Variants in SLC25A21 observed in about 807,000 individuals in gnomAD.
SLC25A21 encodes the protein solute carrier family 25 member 21, also known as mitochondrial 2-oxodicarboxylate carrier.
Under a neutral mutation model 43.8 loss-of-function variants are expected in SLC25A21, and 47 were observed. That is an observed-to-expected ratio of 1.07 (90% CI 0.85 to 1.37). The LOEUF is 1.37. Among genes scored for constraint, SLC25A21 ranks in the 40% most tolerant of loss-of-function variants. The probability of loss-of-function intolerance (pLI) is 0.00; values close to 1 mark genes in which losing one functional copy is unlikely to be tolerated. For synonymous variants in SLC25A21, 131 were observed against 121.3 expected (o/e 1.08, Z -0.52); for missense variants, 352 against 350.2 (o/e 1.00, Z -0.04).
Position 36,704,995 on chromosome 14 carries a change from G to T in SLC25A21, c.603+6323C>A, listed in dbSNP as rs537167807. Among the ~76,000 whole-genome samples, 5 of 152,250 alleles carry T rather than the reference G, an allele frequency of 3.3e-5. No homozygotes were observed. In the South Asian group the frequency reaches 1.0e-3, roughly 32 times the overall value. ...TATATGTACCATAGATCACTAATCT[G>T]AAGTTAAAACGTCAAGAACTTCAAG... On this transcript the variant is annotated intron_variant, in intron 7 of 9. Coordinates refer to ENST00000331299, the MANE Select transcript of SLC25A21 (RefSeq NM_030631.4).
chr14:37,167,489 G>T (rs1964049196), intron 1 of SLC25A21, among the ~76,000 whole-genome samples: 1 of 150,272 alleles, frequency 6.7e-6, no homozygotes, highest in Admixed American at 6.6e-5. Flanking sequence ...ACTAACTTTG[G>T]GAGGAACTTC....
At chr14:36,884,223 G>A (rs534466808) in intron 1 of SLC25A21, among the ~76,000 whole-genome samples, 3 of 152,186 alleles carry the variant, frequency 2.0e-5, no homozygotes, top group Admixed American at 2.0e-4. Context: ...GCATGTAAGT[G>A]CGATCATGCA....
chr14:36,749,979 C>G (rs1449926684), intron 3 of SLC25A21, among the ~76,000 whole-genome samples: 1 of 152,202 alleles, frequency 6.6e-6, no homozygotes, highest in South Asian at 2.1e-4. Flanking sequence ...AAGATGTCAG[C>G]TCCATGAGGG....
At chr14:36,845,834 C>T (rs187177634) in intron 2 of SLC25A21, among the ~76,000 whole-genome samples, 10 of 152,294 alleles carry the variant, frequency 6.6e-5, no homozygotes, top group African/African-American at 1.9e-4. Flanking sequence ...ATCTTGTGAT[C>T]GCACACTGGC....
rs939493835 is a variant in SLC25A21, at chr14:36,679,363, C to T, written c.*1295G>A. 9.2e-6 allele frequency: 9 copies of T among 973,494 alleles called. No homozygotes were observed. In the East Asian group the frequency reaches 5.7e-4, roughly 62 times the overall value. 60.3% of individuals were successfully genotyped at this position (973,494 alleles called of 1,614,324 possible). On this transcript the variant is annotated 3_prime_UTR_variant, in exon 10 of 10. Transcript: ENST00000331299. ...CTAAATTAATAAAAAGTAATAATTA[C>T]CATGTTATCTTTTACTTTTTATTTT...
At chr14:36,912,207 A>G (rs75870942) in intron 1 of SLC25A21, among the ~76,000 whole-genome samples, 5,252 of 152,312 alleles carry the variant, frequency 0.034, 146 homozygotes, top group African/African-American at 0.073. Flanking sequence ...TCACTCATTT[A>G]TTCAATCATT....
chr14:36,803,516 T>C (rs1887937515), intron 3 of SLC25A21, among the ~76,000 whole-genome samples: 1 of 152,124 alleles, frequency 6.6e-6, no homozygotes, highest in South Asian at 2.1e-4. Flanking sequence ...AGGTTTTATG[T>C]AAAAAAAATT....
chr14:36,904,068 T>C (rs1891469027), intron 1 of SLC25A21, among the ~76,000 whole-genome samples: 1 of 152,232 alleles, frequency 6.6e-6, no homozygotes, highest in African/African-American at 2.4e-5. Flanking sequence ...ATTCTTGTCC[T>C]TTGAAAGAGC....
intron 1 of SLC25A21, among the ~76,000 whole-genome samples, chr14:37,132,731 C>CTA (rs201570839): frequency 2.7e-4 from 38 of 140,692 alleles, no homozygotes; most frequent in South Asian, 4.9e-4. Context: ...TCTCTCATAG[C>CTA]TATATTTTTT....
chr14:37,032,889 T>C (rs1961249390), intron 1 of SLC25A21, among the ~76,000 whole-genome samples: 1 of 152,154 alleles, frequency 6.6e-6, no homozygotes, highest in Non-Finnish European at 1.5e-5. Flanking sequence ...TAAGTTTCAA[T>C]GTACACAAGC....
At chr14:37,016,399 T>C (rs1171550838) in intron 1 of SLC25A21, among the ~76,000 whole-genome samples, 1 of 152,204 alleles carries the variant, frequency 6.6e-6, no homozygotes, top group African/African-American at 2.4e-5. Context: ...TCTGTTGATC[T>C]ATATCTCTGT....
At chr14:36,692,895 TCCTGGTACTGCACCAAATAG>T (rs1882851514) in intron 7 of SLC25A21, among the ~76,000 whole-genome samples, 1 of 152,222 alleles carries the variant, frequency 6.6e-6, no homozygotes. Flanking sequence ...CTTTAATTCC[TCCTGGTACTGCACCAAATAG>T]GGTGGTCCTA....
At chr14:36,793,920 G>GA (rs57263212) in intron 3 of SLC25A21, among the ~76,000 whole-genome samples, 29,135 of 111,254 alleles carry the variant, frequency 0.26, 3,398 homozygotes, top group East Asian at 0.32. Flanking sequence ...TGCAGATCAG[G>GA]AAAAAAAAAA....
intron 1 of SLC25A21, among the ~76,000 whole-genome samples, chr14:37,108,591 A>G (rs1962958431): frequency 1.3e-5 from 2 of 152,172 alleles, no homozygotes; most frequent in Admixed American, 6.5e-5. Flanking sequence ...CAGAAAAGCT[A>G]TAGATTCACT....
chr14:36,684,454 T>C (rs982386653), intron 8 of SLC25A21, among the ~76,000 whole-genome samples: 9 of 152,194 alleles, frequency 5.9e-5, no homozygotes, highest in African/African-American at 2.2e-4. Context: ...CTTCTGCCTA[T>C]ATATTAGAAG....
At chr14:36,717,632 G>A (rs1190051821) in intron 6 of SLC25A21, among the ~76,000 whole-genome samples, 2 of 152,216 alleles carry the variant, frequency 1.3e-5, no homozygotes, top group Admixed American at 6.5e-5. Context: ...CATGGGTTAC[G>A]ACTCAGGAAA....
chr14:37,030,903 C>CCAAGGATGCTTT (rs1473079661), intron 1 of SLC25A21, among the ~76,000 whole-genome samples: 1 of 152,126 alleles, frequency 6.6e-6, no homozygotes, highest in Non-Finnish European at 1.5e-5. Flanking sequence ...ATCAACCCTC[C>CCAAGGATGCTTT]CAAGGATGCT....
At chr14:37,060,247 C>T (rs888199883) in intron 1 of SLC25A21, among the ~76,000 whole-genome samples, 8 of 151,800 alleles carry the variant, frequency 5.3e-5, no homozygotes, top group African/African-American at 1.9e-4. Context: ...CACCAGAATC[C>T]GATCATGCTG....
intron 1 of SLC25A21, among the ~76,000 whole-genome samples, chr14:36,999,407 G>T (rs1188941196): frequency 6.6e-6 from 1 of 152,108 alleles, no homozygotes; most frequent in Non-Finnish European, 1.5e-5. Context: ...AGAAAACAGT[G>T]ATTTTAGGGC....
Sources: allele counts gnomAD v4.1 joint callset (sites outside exome capture counted in the v4.1 genomes callset), GRCh38; gene constraint gnomAD v4.1.1; transcripts MANE v1.5; gene names NCBI Gene and HGNC (gene_info 2026-07-23, HGNC 2026-07-21).